The following SLC22A25 variants were observed in gnomAD, a reference collection of about 807,000 sequenced individuals.
SLC22A25 encodes solute carrier family 22 member 25.
Under a neutral mutation model 45.9 loss-of-function variants are expected in SLC22A25, and 44 were observed. That is an observed-to-expected ratio of 0.96 (90% confidence interval 0.75 to 1.23). The LOEUF is 1.23. Ranked by LOEUF, SLC22A25 falls within the 50% of genes most tolerant of loss-of-function variation. The probability of loss-of-function intolerance (pLI) is 0.00; values close to 1 mark genes in which losing one functional copy is unlikely to be tolerated. For missense variants in SLC22A25, 800 were observed against 666.4 expected (o/e 1.20, Z -2.21); for synonymous variants, 283 against 238.6 (o/e 1.19, Z -1.72).
Position 63,217,372 on chromosome 11 carries a change from G to T in SLC22A25, c.772C>A (p.Gln258Lys). Residue 258 changes from glutamine (Q) to lysine (K), a missense_variant, in exon 7 of 12, where the codon CAG becomes AAG. By Grantham distance (53) the Gln-to-Lys change is moderately conservative. Transcript: ENST00000306494. The stretch of plus-strand genomic sequence containing the variant: ...GACATCACCAACTGGAGGATGCACT[G>T]GTCTCGAATGACAAAAGCCAGGCTT... ...LGSLAFVIRD[Q>K]CILQLVMSAP... The T allele has an allele frequency of 1.2e-6, 2 of 1,613,954 alleles. No individual in the cohort carries two copies. Among genetic ancestry groups the T allele is most frequent in the Non-Finnish European group, 8.5e-7 (1 of 1,179,986 alleles).
intron 7 of SLC22A25, among the ~76,000 whole-genome samples, chr11:63,206,194 A>G (rs2134788591): frequency 6.6e-6 from 1 of 152,364 alleles, no homozygotes; most frequent in Admixed American, 6.5e-5. Flanking sequence ...AAATGGGCAA[A>G]AGCTGGAAGC....
At chr11:63,191,759 G>T (rs906803634) in intron 7 of SLC22A25, among the ~76,000 whole-genome samples, 1 of 152,168 alleles carries the variant, frequency 6.6e-6, no homozygotes, top group African/African-American at 2.4e-5. Flanking sequence ...CTTGCAGACT[G>T]CCTTTGTGAA....
intron 5 of SLC22A25, chr11:63,219,771 T>A (rs2089807705): frequency 2.1e-6 from 1 of 472,740 alleles, no homozygotes; most frequent in Non-Finnish European, 3.7e-6. Context: ...CTACCTTATC[T>A]TGCACCACCC....
chr11:63,240,447 C>T (rs940765397), intron 1 of SLC22A25, among the ~76,000 whole-genome samples: 4 of 152,118 alleles, frequency 2.6e-5, no homozygotes, highest in Admixed American at 6.5e-5. Flanking sequence ...TACACTTGGG[C>T]TGCACTAAAT....
At position 63,217,735 on chromosome 11, in the gene SLC22A25, C is replaced by T. The variant is rs1456325710; in HGVS notation, c.507G>A (p.Arg169=). ...ATCTGAGCACGAACTTTCTCCCAAA[C>T]CTGAGAAACAGGGGCACATTAGATA... The part of the protein sequence containing the change: ...GGNLYGHLSD[R]FGRKFVLRWS... The change falls in exon 6 of 12, where the codon AGG becomes AGA. Residue 169 remains arginine (R), a splice_region_variant and synonymous_variant. Coordinates refer to ENST00000306494, the MANE Select transcript of SLC22A25 (RefSeq NM_199352.6). The T allele has an allele frequency of 6.2e-7, 1 of 1,601,592 alleles. No homozygotes were observed. Among genetic ancestry groups the T allele is most frequent in the South Asian group, 1.1e-5 (1 of 88,220 alleles).
At chr11:63,205,284 T>C (rs1247320364) in intron 7 of SLC22A25, among the ~76,000 whole-genome samples, 1 of 151,832 alleles carries the variant, frequency 6.6e-6, no homozygotes, top group Non-Finnish European at 1.5e-5. Flanking sequence ...ATTCAAAAGC[T>C]AGCAGAAGAC....
At chr11:63,182,170 T>C (rs551115642) in intron 8 of SLC22A25, among the ~76,000 whole-genome samples, 13 of 152,222 alleles carry the variant, frequency 8.5e-5, no homozygotes, top group African/African-American at 2.9e-4. Flanking sequence ...TAGGTACCCA[T>C]TCATGCATAG....
chr11:63,233,183 T>A (rs2090101522), intron 3 of SLC22A25, among the ~76,000 whole-genome samples: 1 of 152,226 alleles, frequency 6.6e-6, no homozygotes, highest in African/African-American at 2.4e-5. Context: ...CTTTTTCTAT[T>A]GATTGTAGTA....
At chr11:63,184,381 C>G (rs1334394408) in intron 7 of SLC22A25, among the ~76,000 whole-genome samples, 3 of 152,038 alleles carry the variant, frequency 2.0e-5, no homozygotes, top group Admixed American at 6.6e-5. Flanking sequence ...ATGAGCCTGA[C>G]AAGGAGTACA....
chr11:63,229,313 C>T lies in SLC22A25; in HGVS notation c.340G>A (p.Glu114Lys), dbSNP rs2090023911. The stretch of plus-strand genomic sequence containing the variant: ...TATACCCAGCCATCCACACAGGGCT[C>T]TGTATCTGGCTCACTCGTGTTGGGG... ...TFPNTSEPDT[E>K]PCVDGWVYDQ... The change falls in exon 4 of 12, where the codon GAG becomes AAG. Residue 114 changes from glutamate (E) to lysine (K), a missense_variant. Coordinates refer to ENST00000306494, the MANE Select transcript of SLC22A25 (RefSeq NM_199352.6). 2 of 1,608,090 alleles carry T rather than the reference C, an allele frequency of 1.2e-6. No homozygotes were observed. The highest frequency in any genetic ancestry group is 1.7e-6 in the Non-Finnish European group (2 of 1,176,610).
intron 7 of SLC22A25, among the ~76,000 whole-genome samples, chr11:63,196,067 C>T (rs1027335512): frequency 6.6e-6 from 1 of 152,114 alleles, no homozygotes; most frequent in East Asian, 1.9e-4. Flanking sequence ...AAGCTGAATC[C>T]CAGAATAGAC....
chr11:63,181,793 T>C (rs1454524952), intron 8 of SLC22A25, among the ~76,000 whole-genome samples: 1 of 152,100 alleles, frequency 6.6e-6, no homozygotes, highest in African/African-American at 2.4e-5. Context: ...GTGAGTAAGC[T>C]TAATTCTGGG....
intron 5 of SLC22A25, among the ~76,000 whole-genome samples, chr11:63,227,534 A>G (rs1359915431): frequency 6.6e-6 from 1 of 152,072 alleles, no homozygotes; most frequent in Non-Finnish European, 1.5e-5. Flanking sequence ...AAAAAAAGTC[A>G]TCTTTACTTT....
chr11:63,212,381 G>A (rs2089593733), intron 7 of SLC22A25, among the ~76,000 whole-genome samples: 1 of 152,102 alleles, frequency 6.6e-6, no homozygotes, highest in South Asian at 2.1e-4. Context: ...TGTTTATTGT[G>A]GCACTATTCA....
chr11:63,223,428 C>A (rs1590899229), intron 5 of SLC22A25, among the ~76,000 whole-genome samples: 1 of 151,926 alleles, frequency 6.6e-6, no homozygotes, highest in African/African-American at 2.4e-5. Context: ...CTAATAGTAG[C>A]CTCTAATGAC....
chr11:63,234,673 T>C (rs2090131884), intron 3 of SLC22A25, among the ~76,000 whole-genome samples: 1 of 152,248 alleles, frequency 6.6e-6, no homozygotes, highest in Non-Finnish European at 1.5e-5. Context: ...AATTTGATCC[T>C]GTCATTATGA....
rs1159613432 is a variant in SLC22A25 at position 63,229,970 on chromosome 11, T to C, written c.-318A>G. ...ATTGATGTCTTTAGTAGCTCCCCAA[T>C]AGCAGCATTGAACTTTGGTCTGCAC... On this transcript the variant is annotated 5_prime_UTR_variant, in exon 4 of 12. Transcript: ENST00000306494. Among the ~76,000 whole-genome samples the C allele has an allele frequency of 6.6e-6, 1 of 152,214 alleles. No homozygotes were observed. Among genetic ancestry groups the C allele is most frequent in the Non-Finnish European group, 1.5e-5 (1 of 68,028 alleles).
chr11:63,207,182 G>A (rs1367169485), intron 7 of SLC22A25, among the ~76,000 whole-genome samples: 2 of 152,068 alleles, frequency 1.3e-5, no homozygotes, highest in African/African-American at 2.4e-5. Flanking sequence ...GAAAACCTAG[G>A]CATTACCATT....
At chr11:63,222,703 C>G (rs961821877) in intron 5 of SLC22A25, among the ~76,000 whole-genome samples, 3 of 151,994 alleles carry the variant, frequency 2.0e-5, no homozygotes, top group African/African-American at 7.2e-5. Context: ...TGTTTCAGAT[C>G]TTAGAGAAAA....
Sources: allele counts gnomAD v4.1 joint callset (sites outside exome capture counted in the v4.1 genomes callset), GRCh38; gene constraint gnomAD v4.1.1; transcripts MANE v1.5; gene names NCBI Gene and HGNC (gene_info 2026-07-23, HGNC 2026-07-21).